WDR43: variants seen among roughly 807,000 people sequenced by gnomAD.
WDR43 encodes the protein WD repeat domain 43.
Under a neutral mutation model 91.4 loss-of-function variants are expected in WDR43, and 13 were observed. The ratio of observed to expected loss-of-function variants is 0.14; its 90% CI spans 0.09 to 0.23. The LOEUF (loss-of-function observed/expected upper bound fraction) is 0.23, where lower values mean the gene tolerates loss of function less well. Ranked by LOEUF, WDR43 falls within the 10% of genes least tolerant of loss-of-function variation. The pLI is 1.00. For synonymous variants in WDR43, 331 were observed against 287.9 expected, an observed-to-expected ratio of 1.15 and a Z score of -1.51; for missense variants, 780 against 809.4, an observed-to-expected ratio of 0.96 and a Z score of 0.44.
At chr2:28,939,888 A>G (rs60848661) in intron 14 of WDR43, among the ~76,000 whole-genome samples, 62,069 of 151,866 alleles carry the variant, frequency 0.41, 13,440 homozygotes, top group Middle Eastern at 0.54. Context: ...CGGGTGGATC[A>G]TGAGTTCAGG....
intron 12 of WDR43, among the ~76,000 whole-genome samples, chr2:28,936,132 A>G (rs1046711333): frequency 6.6e-6 from 1 of 152,082 alleles, no homozygotes; most frequent in African/African-American, 2.4e-5. Flanking sequence ...GTAATGCGCT[A>G]TGATTGCACA....
chr2:28,942,745 A>G (rs182175661), intron 16 of WDR43, among the ~76,000 whole-genome samples: 1 of 151,134 alleles, frequency 6.6e-6, no homozygotes, highest in Admixed American at 6.6e-5. Context: ...CCTCCTGAGT[A>G]GCTGGGACTA....
At chr2:28,926,739 T>C (rs1671150361) in intron 9 of WDR43, among the ~76,000 whole-genome samples, 185 bp downstream of exon 9, 1 of 152,194 alleles carries the variant, frequency 6.6e-6, no homozygotes, top group South Asian at 2.1e-4. Context: ...GTTGAGTGAA[T>C]GAATGAATAG....
At chr2:28,924,809 A>G (rs1671097144) in intron 7 of WDR43, among the ~76,000 whole-genome samples, 173 bp from the exon 8 acceptor site, 7 of 152,028 alleles carry the variant, frequency 4.6e-5, no homozygotes, top group Admixed American at 4.6e-4. Flanking sequence ...GAGTATAGGT[A>G]GAGGTAGGTG....
chr2:28,901,721 T>C (rs1325730738), intron 1 of WDR43, among the ~76,000 whole-genome samples: 1 of 152,152 alleles, frequency 6.6e-6, no homozygotes, highest in African/African-American at 2.4e-5. Context: ...CTTGGACCTG[T>C]TAGGAGAGTA....
intron 6 of WDR43, among the ~76,000 whole-genome samples, chr2:28,919,342 C>G (rs1670977289): frequency 2.0e-5 from 3 of 152,130 alleles, no homozygotes; most frequent in Admixed American, 2.0e-4. Flanking sequence ...ATGATCAGAT[C>G]AGTGATTCCC....
intron 6 of WDR43, among the ~76,000 whole-genome samples, chr2:28,922,149 CAA>C (rs1364991164): frequency 6.6e-6 from 1 of 152,198 alleles, no homozygotes; most frequent in Admixed American, 6.5e-5. Flanking sequence ...TTTTTCACAA[CAA>C]AAGTTAGTCT....
intron 3 of WDR43, among the ~76,000 whole-genome samples, chr2:28,909,578 A>G (rs1056806041): frequency 6.6e-6 from 1 of 152,232 alleles, no homozygotes; most frequent in African/African-American, 2.4e-5. Context: ...AAAGCATTAA[A>G]AAGCTGATTG....
chr2:28,922,088 T>G (rs192789028), intron 6 of WDR43, among the ~76,000 whole-genome samples: 1 of 152,308 alleles, frequency 6.6e-6, no homozygotes, highest in Non-Finnish European at 1.5e-5. Context: ...CTTTCTGAGA[T>G]TTCTTATTTT....
At chr2:28,939,959 T>G (rs947185779) in intron 14 of WDR43, among the ~76,000 whole-genome samples, 1 of 151,608 alleles carries the variant, frequency 6.6e-6, no homozygotes, top group Admixed American at 6.6e-5. Flanking sequence ...TACAAAAAAT[T>G]AGCCGAGCGT....
chr2:28,913,751 A>T (rs775488970), intron 4 of WDR43: 4 of 547,778 alleles, frequency 7.3e-6, no homozygotes, highest in South Asian at 5.6e-5. Flanking sequence ...CTGAGCACCC[A>T]AAGTATGCCT....
At chr2:28,912,027 A>G (rs1172118246) in intron 3 of WDR43, among the ~76,000 whole-genome samples, 1 of 152,150 alleles carries the variant, frequency 6.6e-6, no homozygotes, top group African/African-American at 2.4e-5. Flanking sequence ...ATCATATTTG[A>G]GGTAGTGAAA....
chr2:28,908,636 T>G (rs938700284), intron 3 of WDR43, among the ~76,000 whole-genome samples: 2 of 152,222 alleles, frequency 1.3e-5, no homozygotes, highest in African/African-American at 4.8e-5. Context: ...TGTTTTGAAG[T>G]AGATTAAACA....
chr2:28,895,224 C>T (rs2148174302), intron 1 of WDR43: 1 of 292,472 alleles, frequency 3.4e-6, no homozygotes, highest in Non-Finnish European at 6.3e-6. Flanking sequence ...TCCCCTGGTC[C>T]CCCTGGGGCG....
chr2:28,906,529 T>G lies in WDR43; in HGVS notation c.433T>G (p.Ser145Ala). Residue 145 changes from serine to alanine, a missense_variant, in exon 3 of 18, where the codon TCA (serine) becomes GCA (alanine). Ser to Ala is a moderately conservative substitution (Grantham distance 99). Coordinates refer to ENST00000407426, the MANE Select transcript of WDR43 (RefSeq NM_015131.3). Reference protein sequence around the residue: ...HQDSGCLYSCSDDKHIVEWNV... With the variant: ...HQDSGCLYSCADDKHIVEWNV... ...AGACAGTGGCTGTTTATATAGTTGT[T>G]CAGATGATAAACATATTGTGGAATG... 2 of 1,608,186 alleles carry G rather than the reference T, an allele frequency of 1.2e-6. 1 individual carries two copies. Among genetic ancestry groups the G allele is most frequent in the East Asian group, 4.5e-5 (2 of 44,782 alleles).
intron 5 of WDR43, 45 bp from the exon 6 acceptor site, chr2:28,917,848 A>G: frequency 1.3e-6 from 2 of 1,528,020 alleles, no homozygotes; most frequent in Non-Finnish European, 1.8e-6. Context: ...TTAGGAAGAA[A>G]ATTAAATCTG....
chr2:28,932,051 A>T (rs1018486713), intron 11 of WDR43, among the ~76,000 whole-genome samples: 6 of 151,854 alleles, frequency 4.0e-5, no homozygotes, highest in East Asian at 1.9e-4. Context: ...AATTTTTAAA[A>T]TTTTTTTGGT....
chr2:28,944,140 A>G (rs527430185), intron 16 of WDR43, among the ~76,000 whole-genome samples: 1 of 152,332 alleles, frequency 6.6e-6, no homozygotes, highest in African/African-American at 2.4e-5. Flanking sequence ...ATAAAACAAC[A>G]TATCCAAAAA....
intron 9 of WDR43, chr2:28,926,924 G>T: frequency 2.7e-6 from 1 of 366,158 alleles, no homozygotes; most frequent in Non-Finnish European, 5.5e-6. Flanking sequence ...TGTATTTCAG[G>T]GTGTAATAAA....
Sources: gnomAD v4.1 joint callset for allele counts (sites outside exome capture counted in the v4.1 genomes callset) on GRCh38, gnomAD v4.1.1 for gene constraint, MANE v1.5 for transcripts, NCBI Gene and HGNC (gene_info 2026-07-23, HGNC 2026-07-21) for gene names.